Variants in SDK1 observed in about 807,000 individuals in gnomAD.
The protein encoded by SDK1 is sidekick cell adhesion molecule 1.
SDK1 carries 157 observed loss-of-function variants against 245.5 expected under a neutral mutation model. The ratio of observed to expected loss-of-function variants is 0.64; its 90% CI spans 0.56 to 0.73. The LOEUF is 0.73. Ranked by LOEUF, SDK1 falls within the 30% of genes least tolerant of loss-of-function variation. SDK1 has a pLI of 0.00. For synonymous variants in SDK1, 1,647 were observed against 1,278.5 expected (o/e 1.29, Z -6.15); for missense variants, 3,583 against 3,002.3 (o/e 1.19, Z -4.52).
chr7:4,093,404 T>C (rs1781927554), intron 22 of SDK1, among the ~76,000 whole-genome samples: 1 of 139,724 alleles, frequency 7.2e-6, no homozygotes, highest in South Asian at 2.2e-4. Context: ...ATGAAGATGC[T>C]AGTGGTAACA....
chr7:3,420,554 TA>T (rs1435596760), intron 1 of SDK1, among the ~76,000 whole-genome samples: 1 of 152,198 alleles, frequency 6.6e-6, no homozygotes, highest in Non-Finnish European at 1.5e-5. Flanking sequence ...GCTAATCTTT[TA>T]GGGGGAGGGT....
Position 4,256,069 on chromosome 7 carries a change from G to A in SDK1, c.6382-9055G>A, listed in dbSNP as rs555874261. Among the ~76,000 whole-genome samples, 8 of 151,934 alleles carry A rather than the reference G, an allele frequency of 5.3e-5. No individual in the cohort carries two copies. In the South Asian group the frequency reaches 8.3e-4, roughly 16 times the overall value. ...CAAGTAGCTGTGATCACAGGTGTGC[G>A]CCACCACACCCAGCTAATTTTTGTA... On this transcript the variant is annotated intron_variant, in intron 44 of 44. Coordinates refer to ENST00000404826, the MANE Select transcript of SDK1 (RefSeq NM_152744.4).
chr7:4,011,612 T>C (rs1490928960), intron 15 of SDK1, among the ~76,000 whole-genome samples: 1 of 152,202 alleles, frequency 6.6e-6, no homozygotes, highest in Non-Finnish European at 1.5e-5. Context: ...CATGGGAAAA[T>C]GGCTTCATCA....
intron 2 of SDK1, among the ~76,000 whole-genome samples, chr7:3,626,590 C>G (rs1012736931): frequency 1.3e-5 from 2 of 152,222 alleles, no homozygotes; most frequent in Admixed American, 6.5e-5. Flanking sequence ...CATGGATTCT[C>G]TAATTACAAC....
intron 14 of SDK1, among the ~76,000 whole-genome samples, chr7:3,996,439 A>T (rs1160307443): frequency 6.6e-6 from 1 of 152,162 alleles, no homozygotes; most frequent in Non-Finnish European, 1.5e-5. Context: ...ATCATGTTAA[A>T]CCTATAAATT....
At chr7:3,585,923 C>G (rs1425878750) in intron 1 of SDK1, among the ~76,000 whole-genome samples, 1 of 152,204 alleles carries the variant, frequency 6.6e-6, no homozygotes, top group Non-Finnish European at 1.5e-5. Context: ...TCTACCATTT[C>G]TTTGTTGCTA....
intron 4 of SDK1, among the ~76,000 whole-genome samples, chr7:3,743,425 T>G (rs914121417): frequency 2.0e-5 from 3 of 152,212 alleles, no homozygotes; most frequent in Non-Finnish European, 4.4e-5. Flanking sequence ...TGTAGGCTTC[T>G]GTATACAGAG....
At chr7:4,104,113 G>A (rs1782755763) in intron 22 of SDK1, among the ~76,000 whole-genome samples, 1 of 152,228 alleles carries the variant, frequency 6.6e-6, no homozygotes, top group African/African-American at 2.4e-5. Context: ...ATGCTGGAGT[G>A]CAGTTGCATA....
chr7:3,860,487 A>T (rs1460441085), intron 5 of SDK1, among the ~76,000 whole-genome samples: 1 of 152,220 alleles, frequency 6.6e-6, no homozygotes, highest in Non-Finnish European at 1.5e-5. Flanking sequence ...GTTGTCAAAC[A>T]TTTAAGAAGT....
At chr7:3,508,308 A>G (rs937127230) in intron 1 of SDK1, among the ~76,000 whole-genome samples, 1 of 140,948 alleles carries the variant, frequency 7.1e-6, no homozygotes, top group African/African-American at 2.6e-5. Flanking sequence ...TGACATCATC[A>G]TTCTTCTTCT....
chr7:3,801,206 G>A (rs1212410951), intron 4 of SDK1, among the ~76,000 whole-genome samples: 1 of 151,992 alleles, frequency 6.6e-6, no homozygotes, highest in Non-Finnish European at 1.5e-5. Context: ...CATATAACTG[G>A]GTTTTTAAAA....
chr7:3,407,804 T>C (rs1026817805), intron 1 of SDK1, among the ~76,000 whole-genome samples: 1 of 152,172 alleles, frequency 6.6e-6, no homozygotes, highest in African/African-American at 2.4e-5. Flanking sequence ...GAGTTCCCAC[T>C]TTTGTGGCAG....
chr7:3,602,103 G>A (rs1781272337), intron 1 of SDK1, among the ~76,000 whole-genome samples: 1 of 152,082 alleles, frequency 6.6e-6, no homozygotes, highest in South Asian at 2.1e-4. Context: ...TTGGTTCCAA[G>A]TCTTTGCTGT....
intron 4 of SDK1, among the ~76,000 whole-genome samples, chr7:3,796,426 C>G (rs531124797): frequency 4.6e-5 from 7 of 152,294 alleles, no homozygotes; most frequent in African/African-American, 1.7e-4. Flanking sequence ...TGTTGCTTCC[C>G]TTTGCTGGAC....
At chr7:3,713,518 G>A (rs1408891443) in intron 4 of SDK1, among the ~76,000 whole-genome samples, 5 of 152,222 alleles carry the variant, frequency 3.3e-5, no homozygotes, top group Non-Finnish European at 5.9e-5. Context: ...TCCCCCACCC[G>A]CAGCACTGGC....
intron 44 of SDK1, among the ~76,000 whole-genome samples, chr7:4,258,815 A>G (rs968882211): frequency 2.6e-5 from 4 of 152,236 alleles, no homozygotes; most frequent in Admixed American, 1.3e-4. Context: ...CTTGAACCTC[A>G]TATTTGACCT....
intron 25 of SDK1, among the ~76,000 whole-genome samples, chr7:4,125,287 GGATA>G (rs986020033): frequency 2.0e-5 from 3 of 146,608 alleles, no homozygotes; most frequent in Admixed American, 1.4e-4. Context: ...ATATGTAGAT[GGATA>G]GATGGATGGA....
intron 4 of SDK1, among the ~76,000 whole-genome samples, chr7:3,684,186 G>A (rs1384419000): frequency 3.3e-5 from 5 of 152,220 alleles, no homozygotes. Context: ...GTGGAGCTAA[G>A]CCTCTACCCC....
chr7:3,440,134 A>G (rs930639127), intron 1 of SDK1, among the ~76,000 whole-genome samples: 1 of 152,146 alleles, frequency 6.6e-6, no homozygotes, highest in African/African-American at 2.4e-5. Flanking sequence ...ATCAGTTTTA[A>G]ATTGTGCACC....
Sources: gnomAD v4.1 joint callset for allele counts (sites outside exome capture counted in the v4.1 genomes callset) on GRCh38, gnomAD v4.1.1 for gene constraint, MANE v1.5 for transcripts, NCBI Gene and HGNC (gene_info 2026-07-23, HGNC 2026-07-21) for gene names.